Variants in ABCG1 observed in about 807,000 individuals in gnomAD.
ABCG1 encodes the protein ATP binding cassette subfamily G member 1, also known as ATP-binding cassette sub-family G member 1.
A neutral mutation model predicts 69.2 loss-of-function variants in ABCG1; 29 were observed. That is an observed-to-expected ratio of 0.42 (90% CI 0.31 to 0.57). The LOEUF (loss-of-function observed/expected upper bound fraction) is 0.57, where lower values mean the gene tolerates loss of function less well. ABCG1 is among the 20% of genes least tolerant of loss of function. The pLI is 0.15. For missense variants in ABCG1, 718 were observed against 898.1 expected, an observed-to-expected ratio of 0.80 and a Z score of 2.56; for synonymous variants, 370 against 374.8, an observed-to-expected ratio of 0.99 and a Z score of 0.15.
rs999816043 is a variant in ABCG1, at chr21:42,291,796, G to A, written c.1653+140G>A. 1.9e-6 allele frequency: 2 copies of A among 1,067,706 alleles called. No homozygotes were observed. The highest frequency in any genetic ancestry group is 2.6e-6 in the Non-Finnish European group (2 of 769,116). The allele number at this position is 1,067,706 out of a possible 1,614,324, so 66.1% of individuals were successfully genotyped here. A position where few individuals can be genotyped will look rare whatever the true frequency, so the allele number is the denominator to read the frequency against. On this transcript the variant is annotated intron_variant, in intron 13 of 14. Transcript: ENST00000398449. This position sits in a 1 kb window ranked among gnomAD's most constrained non-coding sequence, Gnocchi z 6.4. ...AGATGGGGTCGTTCCCACGGGAAGGGCCCGCATTGTCGAGGGTCAGGATCA... is the reference window on the plus strand; with the variant it reads ...AGATGGGGTCGTTCCCACGGGAAGGACCCGCATTGTCGAGGGTCAGGATCA...
chr21:42,255,502 G>C (rs2068289218), intron 2 of ABCG1, among the ~76,000 whole-genome samples: 2 of 152,222 alleles, frequency 1.3e-5, no homozygotes, highest in Non-Finnish European at 2.9e-5. Context: ...CATGGCATGG[G>C]TGTGTATCAT....
At position 42,267,210 on chromosome 21, in the gene ABCG1, C is replaced by T. The variant is rs536736719; in HGVS notation, c.287-3860C>T. ...GCCGGCCCTGCCCGCCTAGCGCTCTCGCGGGTTCTGGTCTGCAGTTTTTAT... is the reference window on the plus strand; with the variant it reads ...GCCGGCCCTGCCCGCCTAGCGCTCTTGCGGGTTCTGGTCTGCAGTTTTTAT... On this transcript the variant is annotated intron_variant, in intron 2 of 14. Transcript: ENST00000398449. Among the ~76,000 whole-genome samples, 5 of 152,344 alleles carry T rather than the reference C, an allele frequency of 3.3e-5. No homozygotes were observed. The South Asian group carries it at 6.2e-4, about 19-fold the overall frequency.
At chr21:42,201,138 G>A (rs887684085) in intron 1 of ABCG1, among the ~76,000 whole-genome samples, 1 of 151,880 alleles carries the variant, frequency 6.6e-6, no homozygotes, top group Non-Finnish European at 1.5e-5. Flanking sequence ...TCACTGATAG[G>A]GTTTTGATAC....
rs543771156 is a variant in ABCG1 at position 42,287,230 on chromosome 21, G to A, written c.974-659G>A. Among the ~76,000 whole-genome samples the A allele has an allele frequency of 4.6e-5, 7 of 152,186 alleles. No individual in the cohort carries two copies. The highest frequency in any genetic ancestry group is 2.0e-4 in the Admixed American group (3 of 15,286). On this transcript the variant is annotated intron_variant, in intron 8 of 14. Transcript: ENST00000398449. This position sits in a 1 kb window ranked among gnomAD's most constrained non-coding sequence, Gnocchi z 6.2. ...GCCAGTCACCACGGGAGTGTGGAAG[G>A]AGTTGCAGGCTGCAGAGGAAGTCCA...
intron 1 of ABCG1, among the ~76,000 whole-genome samples, chr21:42,223,462 T>C (rs1392608862): frequency 6.6e-6 from 1 of 152,044 alleles, no homozygotes; most frequent in Admixed American, 6.5e-5. Flanking sequence ...AAGCAGATCA[T>C]AGGCACACAT....
At chr21:42,248,715 C>T (rs1396764694) in intron 2 of ABCG1, among the ~76,000 whole-genome samples, 1 of 151,506 alleles carries the variant, frequency 6.6e-6, no homozygotes, top group Non-Finnish European at 1.5e-5. Context: ...TGGCGAAACC[C>T]TGCCTCTGCA....
Position 42,286,091 on chromosome 21 carries a change from G to A in ABCG1, c.973+97G>A, listed in dbSNP as rs910711355. On this transcript the variant is annotated intron_variant, in intron 8 of 14. Transcript: ENST00000398449. ...GACGCCCCCAACTCAGAAACCACTT[G>A]ACTACCACAAATAGCTCAAGTGTCA... is the stretch of plus-strand genomic sequence containing the variant. 1.5e-5 allele frequency: 12 copies of A among 807,684 alleles called. No individual in the cohort carries two copies. In the African/African-American group the frequency reaches 1.9e-4, roughly 13 times the overall value. The allele number at this position is 807,684 out of a possible 1,614,324, so 50.0% of individuals were successfully genotyped here.
rs539955540 is a variant in ABCG1 at position 42,263,135 on chromosome 21, G to A, written c.287-7935G>A. 1.1e-4 allele frequency among the ~76,000 whole-genome samples: 16 copies of A among 152,324 alleles called. No homozygotes were observed. The South Asian group carries it at 2.9e-3, about 28-fold the overall frequency. On this transcript the variant is annotated intron_variant, in intron 2 of 14. Coordinates refer to ENST00000398449, the MANE Select transcript of ABCG1 (RefSeq NM_016818.3). ...AAATGTAAACATTCAGTGCCTTCCT[G>A]AAATTCCTTCTAGACCGGAACCACC... is the stretch of plus-strand genomic sequence containing the variant.
At position 42,219,819 on chromosome 21, in the gene ABCG1, G is replaced by T; in HGVS notation, c.42+515G>T. 6.9e-7 allele frequency: 1 copy of T among 1,452,868 alleles called. No individual in the cohort carries two copies. The highest frequency in any genetic ancestry group is 9.0e-7 in the Non-Finnish European group (1 of 1,106,382). 90.0% of individuals were successfully genotyped at this position (1,452,868 alleles called of 1,614,324 possible). A position where few individuals can be genotyped will look rare whatever the true frequency, so the allele number is the denominator to read the frequency against. Reference sequence around the variant, plus strand: ...AAGAGGAAGCTGCCCCCAGAGAGCCGGAGCCTGCGACTGCACTCCCGGGGA... The same window carrying T: ...AAGAGGAAGCTGCCCCCAGAGAGCCTGAGCCTGCGACTGCACTCCCGGGGA... On this transcript the variant is annotated intron_variant, in intron 1 of 14. Coordinates refer to ENST00000398449, the MANE Select transcript of ABCG1 (RefSeq NM_016818.3). This position sits in a 1 kb window ranked among gnomAD's most constrained non-coding sequence, Gnocchi z 5.3.
Position 42,271,123 on chromosome 21 carries a change from G to T in ABCG1, c.340G>T (p.Val114Leu). ...CGGGAAGTTCAATAGTGGTGAGTTG[G>T]TGGCCATTATGGGTCCTTCCGGGGC... ...ISGKFNSGEL[V>L]AIMGPSGAGK... The change falls in exon 3 of 15, where the codon GTG (valine) becomes TTG (leucine). Residue 114 changes from valine to leucine, a missense_variant. Physicochemically the swap from Val to Leu is conservative, Grantham distance 32. Around this residue, in one of 2 missense-constraint regions of ABCG1, gnomAD observed 514 missense variants for 574.3 expected, o/e 0.90. Coordinates refer to ENST00000398449, the MANE Select transcript of ABCG1 (RefSeq NM_016818.3). 1 of 1,584,418 alleles carries T rather than the reference G, an allele frequency of 6.3e-7. No homozygotes were observed. Among genetic ancestry groups the T allele is most frequent in the Non-Finnish European group, 8.6e-7 (1 of 1,167,634 alleles).
chr21:42,205,107 G>C (rs1346657490), intron 2 of ABCG1, among the ~76,000 whole-genome samples: 1 of 151,570 alleles, frequency 6.6e-6, no homozygotes, highest in Non-Finnish European at 1.5e-5. Context: ...TCAGTGAGTT[G>C]TAGTTTGCAT....
chr21:42,264,701 GAGAGGAGAGAGAGGGAGAC>G (rs1221784867), intron 2 of ABCG1, among the ~76,000 whole-genome samples: 3 of 152,062 alleles, frequency 2.0e-5, no homozygotes, highest in Non-Finnish European at 4.4e-5. Flanking sequence ...AGGAGAGACA[GAGAGGAGAGAGAGGGAGAC>G]AGAGGAGAGA....
intron 2 of ABCG1, chr21:42,256,284 G>A (rs1227324092): frequency 1.3e-6 from 2 of 1,521,232 alleles, no homozygotes; most frequent in African/African-American, 2.8e-5. Context: ...CCCGCCAGGA[G>A]GTGGTCTTCC....
chr21:42,253,944 G>A (rs1033113615), intron 2 of ABCG1, among the ~76,000 whole-genome samples: 13 of 152,198 alleles, frequency 8.5e-5, no homozygotes, highest in African/African-American at 3.1e-4. Context: ...TCACTTGTGG[G>A]ATGCTGAGCT....
chr21:42,291,891 C>G lies in ABCG1; in HGVS notation c.1653+235C>G, dbSNP rs950676850. On this transcript the variant is annotated intron_variant, in intron 13 of 14. Transcript: ENST00000398449. This position sits in a 1 kb window ranked among gnomAD's most constrained non-coding sequence, Gnocchi z 6.4. ...ACTGCGTGCTGGGCGCTCTTCCCAG[C>G]GCTTCCCAGATCTGAGCTCCTGTAG... Among the ~76,000 whole-genome samples, 6 of 152,184 alleles carry G rather than the reference C, an allele frequency of 3.9e-5. No individual in the cohort carries two copies. The highest frequency in any genetic ancestry group is 1.2e-4 in the African/African-American group (5 of 41,442).
rs141811091 is a variant in ABCG1 at position 42,281,508 on chromosome 21, C to T, written c.589-766C>T. On this transcript the variant is annotated intron_variant, in intron 5 of 14. Coordinates refer to ENST00000398449, the MANE Select transcript of ABCG1 (RefSeq NM_016818.3). ...CAGGGAGGGCTCCGTGCGCAGTGCC[C>T]TGCTTGTTCCTGGCGTGCAGCCTGC... is the stretch of plus-strand genomic sequence containing the variant. 6.0e-4 allele frequency among the ~76,000 whole-genome samples: 91 copies of T among 152,360 alleles called. 2 individuals carry two copies. The highest frequency in any genetic ancestry group is 9.8e-4 in the Admixed American group (15 of 15,304).
chr21:42,212,619 T>C (rs1306025507), upstream of ABCG1, among the ~76,000 whole-genome samples: 1 of 152,128 alleles, frequency 6.6e-6, no homozygotes, highest in African/African-American at 2.4e-5. Context: ...GAAGAAACAC[T>C]CTAAACCATG....
At chr21:42,294,404 G>A in intron 13 of ABCG1, 138 bp from the exon 14 acceptor site, 1 of 713,220 alleles carries the variant, frequency 1.4e-6, no homozygotes, top group South Asian at 1.6e-5. Flanking sequence ...TGCACCTTCT[G>A]CCACATTAAG....
chr21:42,242,979 G>T (rs1398784549), intron 2 of ABCG1, among the ~76,000 whole-genome samples: 4 of 152,140 alleles, frequency 2.6e-5, no homozygotes, highest in Non-Finnish European at 5.9e-5. Flanking sequence ...CCCACTTTGA[G>T]AACTGCTGAA....
Sources: allele counts gnomAD v4.1 joint callset (sites outside exome capture counted in the v4.1 genomes callset), GRCh38; gene constraint gnomAD v4.1.1; regional missense constraint gnomAD v4.1.1; non-coding constraint Gnocchi (gnomAD v3.1); transcripts MANE v1.5; gene names NCBI Gene and HGNC (gene_info 2026-07-23, HGNC 2026-07-21).